CAPZA2: variants seen among roughly 807,000 people sequenced by gnomAD.
CAPZA2 encodes the protein F-actin-capping protein subunit alpha-2.
CAPZA2 carries 13 observed loss-of-function variants against 44.0 expected under a neutral mutation model. The observed-to-expected ratio is 0.30, with a 90% confidence interval of 0.19 to 0.47. The LOEUF is 0.47. Ranked by LOEUF, CAPZA2 falls within the 20% of genes least tolerant of loss-of-function variation. The pLI, the probability that CAPZA2 is intolerant of heterozygous loss-of-function variation, is 1.00. For synonymous variants in CAPZA2, 94 were observed against 108.2 expected (o/e 0.87, Z 0.81); for missense variants, 244 against 338.6 (o/e 0.72, Z 2.19).
At chr7:116,916,241 T>C (rs1791677518) in intron 9 of CAPZA2, 119 bp downstream of exon 9, 1 of 1,055,086 alleles carries the variant, frequency 9.5e-7, no homozygotes, top group African/African-American at 1.7e-5. Context: ...TTTTGTTGTG[T>C]GTCTGCTTTT....
intron 1 of CAPZA2, among the ~76,000 whole-genome samples, chr7:116,887,689 TG>T (rs1316998819): frequency 6.7e-6 from 1 of 150,220 alleles, no homozygotes; most frequent in Non-Finnish European, 1.5e-5. Context: ...AAAAATTAGC[TG>T]GGCATGGCGG....
intron 2 of CAPZA2, among the ~76,000 whole-genome samples, chr7:116,889,645 G>T (rs916769868): frequency 2.6e-5 from 4 of 151,654 alleles, no homozygotes; most frequent in Non-Finnish European, 4.4e-5. Flanking sequence ...GGCAAAAGTT[G>T]TATAAAGTTA....
intron 3 of CAPZA2, among the ~76,000 whole-genome samples, chr7:116,897,336 A>G (rs1392373478): frequency 6.6e-6 from 1 of 152,194 alleles, no homozygotes; most frequent in Non-Finnish European, 1.5e-5. Flanking sequence ...TGAGAAGTGA[A>G]TAGCTTCTTT....
chr7:116,896,226 A>G (rs890206827), intron 3 of CAPZA2, among the ~76,000 whole-genome samples: 3 of 151,670 alleles, frequency 2.0e-5, no homozygotes, highest in African/African-American at 7.3e-5. Flanking sequence ...ATTATTCTTT[A>G]GAGTGGTTGT....
chr7:116,867,730 C>G (rs1796499658), intron 1 of CAPZA2, among the ~76,000 whole-genome samples: 1 of 152,036 alleles, frequency 6.6e-6, no homozygotes, highest in Admixed American at 6.5e-5. Flanking sequence ...ACTACAGGCA[C>G]ACACCTGCGT....
chr7:116,871,755 G>GT (rs1796556558), intron 1 of CAPZA2, among the ~76,000 whole-genome samples: 1 of 152,052 alleles, frequency 6.6e-6, no homozygotes, highest in African/African-American at 2.4e-5. Context: ...ACTTATCTTT[G>GT]TTATAACATT....
intron 1 of CAPZA2, 133 bp from the exon 2 acceptor site, chr7:116,887,994 A>G: frequency 1.6e-6 from 1 of 620,266 alleles, no homozygotes; most frequent in Admixed American, 2.9e-5. Flanking sequence ...TGATTGAGTG[A>G]AAAAGTATCA....
In CAPZA2 at chr7:116,921,970, A is replaced by C. The variant is rs952696860; in HGVS notation, c.*4103A>C. ...TTTAATAAGTTATATAAATATGCAG[A>C]TATTCATGCGGCTTTTCCTCATTTG... On this transcript the variant is annotated 3_prime_UTR_variant, in exon 10 of 10. Coordinates refer to ENST00000361183, the MANE Select transcript of CAPZA2 (RefSeq NM_006136.3). 1.3e-5 allele frequency: 2 copies of C among 152,228 alleles called. No individual in the cohort carries two copies. Among genetic ancestry groups the C allele is most frequent in the African/African-American group, 4.8e-5 (2 of 41,456 alleles). The allele number at this position is 152,228 out of a possible 1,614,324, so 9.4% of individuals were successfully genotyped here.
At chr7:116,912,004 T>A in intron 7 of CAPZA2, 65 bp from the exon 8 acceptor site, 1 of 1,599,788 alleles carries the variant, frequency 6.3e-7, no homozygotes, top group Non-Finnish European at 8.5e-7. Context: ...TTGATATGCT[T>A]GTTGACGCAA....
intron 1 of CAPZA2, among the ~76,000 whole-genome samples, chr7:116,883,824 A>G (rs1015826413): frequency 3.3e-5 from 5 of 152,260 alleles, no homozygotes; most frequent in African/African-American, 1.2e-4. Flanking sequence ...TTAAAGCTCA[A>G]CTAGTTAAAT....
intron 1 of CAPZA2, among the ~76,000 whole-genome samples, chr7:116,887,612 A>G (rs1796779230): frequency 6.6e-6 from 1 of 152,142 alleles, no homozygotes; most frequent in African/African-American, 2.4e-5. Context: ...CAGGCAGATT[A>G]TTTGAGGTCA....
intron 2 of CAPZA2, 30 bp from the exon 3 acceptor site, chr7:116,892,964 A>G (rs755590842): frequency 2.7e-6 from 4 of 1,503,352 alleles, no homozygotes; most frequent in Admixed American, 1.8e-5. Flanking sequence ...ATATAACAAT[A>G]ATAATGTAGA....
In CAPZA2 at chr7:116,912,131, A is replaced by G; in HGVS notation, c.648A>G (p.Leu216=). 6.2e-7 allele frequency: 1 copy of G among 1,612,906 alleles called. No individual in the cohort carries two copies. The highest frequency in any genetic ancestry group is 8.5e-7 in the Non-Finnish European group (1 of 1,179,278). ...LVSHKDIQDS[L]TVSNEVQTAK... ...GTCATAAAGATATACAAGATTCCCTAACAGTGTCTGTAAGTAATTAATTCC... is the reference window on the plus strand; with the variant it reads ...GTCATAAAGATATACAAGATTCCCTGACAGTGTCTGTAAGTAATTAATTCC... The change falls in exon 8 of 10, where the codon CTA becomes CTG. Residue 216 remains leucine (L), a synonymous_variant. Transcript: ENST00000361183.
chr7:116,898,041 CGCTATGAGCCAG>C (rs1796950291), intron 3 of CAPZA2, among the ~76,000 whole-genome samples: 1 of 152,102 alleles, frequency 6.6e-6, no homozygotes, highest in African/African-American at 2.4e-5. Flanking sequence ...ACTGAACACC[CGCTATGAGCCAG>C]GCATTGAGCT....
At chr7:116,887,704 G>T (rs1002606396) in intron 1 of CAPZA2, among the ~76,000 whole-genome samples, 1 of 152,176 alleles carries the variant, frequency 6.6e-6, no homozygotes, top group Non-Finnish European at 1.5e-5. Flanking sequence ...ATGGCGGCAC[G>T]CGCCTGTAGT....
chr7:116,909,515 C>T (rs1791558601), intron 6 of CAPZA2, among the ~76,000 whole-genome samples: 1 of 151,816 alleles, frequency 6.6e-6, no homozygotes, highest in South Asian at 2.1e-4. Context: ...TACCAAAAAT[C>T]ATTTCAGGAG....
chr7:116,877,166 T>C (rs1796632640), intron 1 of CAPZA2, among the ~76,000 whole-genome samples: 1 of 152,206 alleles, frequency 6.6e-6, no homozygotes, highest in African/African-American at 2.4e-5. Flanking sequence ...TATTGAGCCT[T>C]AATTTTAGTC....
chr7:116,868,415 T>C (rs1796509080), intron 1 of CAPZA2, among the ~76,000 whole-genome samples: 1 of 152,172 alleles, frequency 6.6e-6, no homozygotes, highest in Non-Finnish European at 1.5e-5. Flanking sequence ...CCATTGTATT[T>C]CATAATATTA....
intron 2 of CAPZA2, among the ~76,000 whole-genome samples, chr7:116,892,695 G>T (rs926376313): frequency 6.6e-6 from 1 of 151,786 alleles, no homozygotes; most frequent in Non-Finnish European, 1.5e-5. Context: ...GTTGGATTGC[G>T]TTCAGAGCTA....
Sources: allele counts gnomAD v4.1 joint callset (sites outside exome capture counted in the v4.1 genomes callset), GRCh38; gene constraint gnomAD v4.1.1; transcripts MANE v1.5; gene names NCBI Gene and HGNC (gene_info 2026-07-23, HGNC 2026-07-21).